Variants in ELMO1 observed in about 807,000 individuals in gnomAD.
The protein encoded by ELMO1 is engulfment and cell motility protein 1.
A neutral mutation model predicts 98.9 loss-of-function variants in ELMO1; 26 were observed. The ratio of observed to expected loss-of-function variants is 0.26; its 90% CI spans 0.19 to 0.36. The LOEUF (loss-of-function observed/expected upper bound fraction) is 0.36, where lower values mean the gene tolerates loss of function less well. ELMO1 is among the 10% of genes least tolerant of loss of function. ELMO1 has a pLI of 1.00. For synonymous variants in ELMO1, 346 were observed against 346.0 expected (o/e 1.00, Z 0.00); for missense variants, 627 against 935.2 (o/e 0.67, Z 4.30).
rs574084234 is a variant in ELMO1, at chr7:37,229,775, C to T, written c.549+3320G>A. Among the ~76,000 whole-genome samples, 34 of 152,172 alleles carry T rather than the reference C, an allele frequency of 2.2e-4. 1 individual carries two copies. Among genetic ancestry groups the T allele is most frequent in the African/African-American group, 7.5e-4 (31 of 41,506 alleles). On this transcript the variant is annotated intron_variant, in intron 8 of 21. Coordinates refer to ENST00000310758, the MANE Select transcript of ELMO1 (RefSeq NM_014800.11). ...ATTCATGTAACAGATCTCTAAGTAG[C>T]AATGCAAAGAAAATGAGACTGGGAA...
At chr7:36,867,687 A>G (rs1056470400) in intron 20 of ELMO1, among the ~76,000 whole-genome samples, 5 of 152,022 alleles carry the variant, frequency 3.3e-5, no homozygotes, top group African/African-American at 7.2e-5. Flanking sequence ...CATCCCACAC[A>G]TTTTGGTAAG....
chr7:37,385,290 C>G (rs2131399117), intron 1 of ELMO1, among the ~76,000 whole-genome samples: 1 of 152,358 alleles, frequency 6.6e-6, no homozygotes, highest in Admixed American at 6.5e-5. Context: ...TATGGTCCAT[C>G]TGCCTCTATG....
chr7:36,997,650 G>C (rs1416173120), intron 16 of ELMO1: 1 of 152,302 alleles, frequency 6.6e-6, no homozygotes, highest in East Asian at 1.9e-4. Context: ...AGTTTGAGGA[G>C]TCTGCAGACC....
intron 2 of ELMO1, among the ~76,000 whole-genome samples, chr7:37,339,477 A>G (rs1363829847): frequency 1.3e-5 from 2 of 152,246 alleles, no homozygotes; most frequent in Non-Finnish European, 2.9e-5. Context: ...CCAGGCTAAA[A>G]AGAAGCAAAG....
At position 37,193,314 on chromosome 7, in the gene ELMO1, G is replaced by A. The variant is rs1009991200; in HGVS notation, c.1086+18072C>T. ...ACGCAGCCCAACCCGCACAGTGATTGTATCCAACCAAGGCCCCCTGGCTCT... is the reference window on the plus strand; with the variant it reads ...ACGCAGCCCAACCCGCACAGTGATTATATCCAACCAAGGCCCCCTGGCTCT... On this transcript the variant is annotated intron_variant, in intron 13 of 21. Transcript: ENST00000310758. 1.3e-3 allele frequency among the ~76,000 whole-genome samples: 198 copies of A among 152,244 alleles called. 4 individuals carry two copies. The highest frequency in any genetic ancestry group is 2.9e-4 in the Non-Finnish European group (20 of 68,008).
chr7:37,295,972 C>T (rs918406204), intron 4 of ELMO1, among the ~76,000 whole-genome samples: 35 of 152,256 alleles, frequency 2.3e-4, no homozygotes, highest in African/African-American at 7.7e-4. Flanking sequence ...ACATTCCCAC[C>T]GTGTATTTAC....
chr7:36,977,779 T>A (rs1790680407), intron 16 of ELMO1, among the ~76,000 whole-genome samples: 1 of 152,244 alleles, frequency 6.6e-6, no homozygotes, highest in African/African-American at 2.4e-5. Context: ...TACTTTCAAG[T>A]AGTTTTCAAA....
At chr7:37,158,854 T>C (rs955575887) in intron 13 of ELMO1, among the ~76,000 whole-genome samples, 2 of 152,172 alleles carry the variant, frequency 1.3e-5, no homozygotes, top group Non-Finnish European at 2.9e-5. Flanking sequence ...CCCATGCACA[T>C]GTATGTTTAT....
At chr7:37,272,831 A>T (rs183025259) in intron 4 of ELMO1, among the ~76,000 whole-genome samples, 1 of 152,324 alleles carries the variant, frequency 6.6e-6, no homozygotes, top group East Asian at 1.9e-4. Flanking sequence ...AAATAAATAG[A>T]ATCAGCCATT....
In ELMO1 at chr7:37,180,923, G is replaced by C. The variant is rs1790824900; in HGVS notation, c.1086+30463C>G. On this transcript the variant is annotated intron_variant, in intron 13 of 21. Transcript: ENST00000310758. ...GTGAATATATCTGGTGGAAGGTTAT[G>C]CAGAGTTCCTTGTACAATTCTTGTA... Among the ~76,000 whole-genome samples the C allele has an allele frequency of 2.0e-5, 3 of 152,096 alleles. No homozygotes were observed. In the South Asian group the frequency reaches 6.2e-4, roughly 32 times the overall value.
chr7:37,087,303 C>T (rs1783840305), intron 15 of ELMO1, among the ~76,000 whole-genome samples: 1 of 152,074 alleles, frequency 6.6e-6, no homozygotes, highest in African/African-American at 2.4e-5. Flanking sequence ...TGTAAGTTTT[C>T]CAGATCAAGG....
At chr7:37,413,093 T>C (rs899591957) in intron 1 of ELMO1, among the ~76,000 whole-genome samples, 14 of 152,158 alleles carry the variant, frequency 9.2e-5, no homozygotes, top group Non-Finnish European at 2.1e-4. Context: ...TGTTAAACAA[T>C]AATAAGTCAC....
At chr7:36,895,876 G>A (rs570092943) in intron 16 of ELMO1, among the ~76,000 whole-genome samples, 2 of 152,172 alleles carry the variant, frequency 1.3e-5, no homozygotes, top group Non-Finnish European at 2.9e-5. Context: ...TGCTGTGGTA[G>A]GTGCTTTATC....
intron 15 of ELMO1, among the ~76,000 whole-genome samples, chr7:37,023,282 C>T (rs1401490828): frequency 6.6e-6 from 1 of 152,132 alleles, no homozygotes; most frequent in African/African-American, 2.4e-5. Context: ...GAAAAGTTAA[C>T]TTAAAAAGGT....
At chr7:36,955,173 T>C (rs1311081456) in intron 16 of ELMO1, among the ~76,000 whole-genome samples, 3 of 152,176 alleles carry the variant, frequency 2.0e-5, no homozygotes, top group African/African-American at 7.2e-5. Flanking sequence ...GTCAAGGGAC[T>C]TTAGTCTAAG....
intron 16 of ELMO1, among the ~76,000 whole-genome samples, chr7:37,006,891 T>C (rs191792838): frequency 6.6e-6 from 1 of 152,336 alleles, no homozygotes. Flanking sequence ...CCAAAGTCAC[T>C]TTCCCGGTCT....
At chr7:37,398,587 A>G (rs1803394563) in intron 1 of ELMO1, among the ~76,000 whole-genome samples, 1 of 152,328 alleles carries the variant, frequency 6.6e-6, no homozygotes, top group African/African-American at 2.4e-5. Flanking sequence ...ATGCAAGGAA[A>G]CTAACGGGCT....
intron 15 of ELMO1, chr7:37,033,405 T>C: frequency 2.2e-6 from 1 of 454,668 alleles, no homozygotes; most frequent in Non-Finnish European, 4.4e-6. Flanking sequence ...TTTCAGGAGA[T>C]AAGTGATCTA....
At chr7:37,010,863 T>C (rs1288791740) in intron 16 of ELMO1, among the ~76,000 whole-genome samples, 1 of 152,170 alleles carries the variant, frequency 6.6e-6, no homozygotes, top group Non-Finnish European at 1.5e-5. Flanking sequence ...TGCATAGTAC[T>C]GAAAAAAAGA....
Sources: gnomAD v4.1 joint callset for allele counts (sites outside exome capture counted in the v4.1 genomes callset) on GRCh38, gnomAD v4.1.1 for gene constraint, MANE v1.5 for transcripts, NCBI Gene and HGNC (gene_info 2026-07-23, HGNC 2026-07-21) for gene names.